Variants in CORO2B observed in about 807,000 individuals in gnomAD.
CORO2B encodes coronin-2B.
CORO2B carries 26 observed loss-of-function variants against 58.8 expected under a neutral mutation model. That is an observed-to-expected ratio of 0.44 (90% CI 0.32 to 0.61). The LOEUF (loss-of-function observed/expected upper bound fraction) is 0.61. Among genes scored for constraint, CORO2B ranks in the 20% least tolerant of loss-of-function variants. The pLI is 0.04. For missense variants in CORO2B, 460 were observed against 645.1 expected (o/e 0.71, Z 3.11); for synonymous variants, 242 against 253.8 (o/e 0.95, Z 0.44).
At chr15:68,531,564 G>A in the CORO2B span, among the ~76,000 whole-genome samples, 2 of 131,070 alleles carry the variant, frequency 1.5e-5, no homozygotes, top group Non-Finnish European at 3.3e-5. Context: ...AGGAAAGAAA[G>A]AGAAAGAAAG....
chr15:68,716,995 C>T (rs899087972), intron 8 of CORO2B, among the ~76,000 whole-genome samples: 16 of 152,062 alleles, frequency 1.1e-4, no homozygotes, highest in African/African-American at 2.7e-4. Flanking sequence ...TGATGGGATC[C>T]GAAATGTTAG....
At chr15:68,538,933 A>G in the CORO2B span, among the ~76,000 whole-genome samples, 1 of 152,206 alleles carries the variant, frequency 6.6e-6, no homozygotes, top group South Asian at 2.1e-4. Context: ...TAAAGTCCTG[A>G]GGTGTTGATG....
chr15:68,662,375 A>G (rs568683601), intron 2 of CORO2B, among the ~76,000 whole-genome samples: 47 of 152,394 alleles, frequency 3.1e-4, no homozygotes, highest in African/African-American at 1.1e-3. Flanking sequence ...TGAAAAGTGC[A>G]GGGTTTTCAT....
intron 1 of CORO2B, among the ~76,000 whole-genome samples, chr15:68,627,870 A>G (rs1185213854): frequency 6.6e-6 from 1 of 151,892 alleles, no homozygotes; most frequent in Non-Finnish European, 1.5e-5. Flanking sequence ...TCCCTGTATC[A>G]TAGCTAACAT....
the CORO2B span, among the ~76,000 whole-genome samples, chr15:68,571,181 C>T: frequency 1.1e-4 from 16 of 152,156 alleles, no homozygotes; most frequent in Non-Finnish European, 2.1e-4. Context: ...TGAGGAATTT[C>T]CCTGTAACCT....
At chr15:68,572,534 C>T in the CORO2B span, among the ~76,000 whole-genome samples, 1 of 152,208 alleles carries the variant, frequency 6.6e-6, no homozygotes, top group Non-Finnish European at 1.5e-5. Flanking sequence ...GCACTCACCA[C>T]ACCTTATCAT....
intron 1 of CORO2B, among the ~76,000 whole-genome samples, chr15:68,605,108 C>T (rs980515959): frequency 1.7e-4 from 26 of 150,272 alleles, no homozygotes; most frequent in Admixed American, 2.7e-4. Context: ...AGCGAGACTC[C>T]GTCTCAAGGA....
At chr15:68,607,486 G>C (rs763529429) in intron 1 of CORO2B, among the ~76,000 whole-genome samples, 4 of 152,136 alleles carry the variant, frequency 2.6e-5, no homozygotes, top group Non-Finnish European at 5.9e-5. Flanking sequence ...GATTCCACTG[G>C]AGAGGACATG....
At chr15:68,682,339 G>A (rs181795794) in intron 2 of CORO2B, among the ~76,000 whole-genome samples, 164 of 152,328 alleles carry the variant, frequency 1.1e-3, no homozygotes, top group Admixed American at 2.3e-3. Context: ...AGTGCCTCAG[G>A]AAGGCTATGG....
chr15:68,701,723 ATCTGCCCGC>A (rs1892656555), intron 3 of CORO2B, among the ~76,000 whole-genome samples: 1 of 151,878 alleles, frequency 6.6e-6, no homozygotes, highest in Non-Finnish European at 1.5e-5. Context: ...TGACCTCGTG[ATCTGCCCGC>A]CTCGGCCTCC....
the CORO2B span, among the ~76,000 whole-genome samples, chr15:68,533,029 CTTTT>C: frequency 6.6e-6 from 1 of 152,200 alleles, no homozygotes; most frequent in East Asian, 1.9e-4. Context: ...TCCTTTTGCA[CTTTT>C]TAGAACTCTT....
chr15:68,647,020 G>A (rs534220841), intron 2 of CORO2B, among the ~76,000 whole-genome samples: 11 of 152,136 alleles, frequency 7.2e-5, no homozygotes, highest in South Asian at 2.1e-4. Flanking sequence ...ACCTATCGCC[G>A]GCACCCTGCC....
At position 68,718,693 on chromosome 15, in the gene CORO2B, T is replaced by TA; in HGVS notation, c.968-4dup. ...CCCATGGAGCCACATGTGTGCCTGT[T>TA]ACAGGGGTCATGCCCAAGCACGGGC... On this transcript the variant is annotated splice_polypyrimidine_tract_variant and splice_region_variant and intron_variant, in intron 8 of 11. Transcript: ENST00000261861. 6.2e-7 allele frequency: 1 copy of TA among 1,613,238 alleles called. No individual in the cohort carries two copies. Among genetic ancestry groups the TA allele is most frequent in the Non-Finnish European group, 8.5e-7 (1 of 1,179,298 alleles).
chr15:68,599,701 G>T (rs544744238), intron 1 of CORO2B, among the ~76,000 whole-genome samples: 3 of 152,266 alleles, frequency 2.0e-5, no homozygotes, highest in African/African-American at 7.2e-5. Context: ...CCCAAGAGAG[G>T]CAGTGCCCTG....
the CORO2B span, among the ~76,000 whole-genome samples, chr15:68,557,722 C>A: frequency 6.6e-6 from 1 of 152,176 alleles, no homozygotes; most frequent in African/African-American, 2.4e-5. Context: ...AAGTAAATGC[C>A]CAAGGTCACA....
At position 68,645,056 on chromosome 15, in the gene CORO2B, C is replaced by A; in HGVS notation, c.16-104C>A. 8.3e-7 allele frequency: 1 copy of A among 1,202,336 alleles called. No individual in the cohort carries two copies. The highest frequency in any genetic ancestry group is 1.2e-6 in the Non-Finnish European group (1 of 854,156). 74.5% of individuals were successfully genotyped at this position (1,202,336 alleles called of 1,614,324 possible). A position where few individuals can be genotyped will look rare whatever the true frequency, so the allele number is the denominator to read the frequency against. On this transcript the variant is annotated intron_variant, in intron 1 of 11. Coordinates refer to ENST00000261861, the MANE Select transcript of CORO2B (RefSeq NM_006091.5). The surrounding 1 kb of genome is among the most constrained non-coding windows in gnomAD (Gnocchi z 4.5). ...TGACAGGGGACCCAGGGCCTGCTCACCTGCTGCACCTCTGAGCCGCAGCTT... is the reference window on the plus strand; with the variant it reads ...TGACAGGGGACCCAGGGCCTGCTCAACTGCTGCACCTCTGAGCCGCAGCTT...
At chr15:68,603,391 G>A (rs1170359835) in intron 1 of CORO2B, among the ~76,000 whole-genome samples, 4 of 152,162 alleles carry the variant, frequency 2.6e-5, no homozygotes, top group Non-Finnish European at 4.4e-5. Context: ...AATCATACTA[G>A]TGTGAGGCCT....
upstream of CORO2B, chr15:68,578,888 C>A: frequency 2.5e-6 from 1 of 401,306 alleles, no homozygotes; most frequent in Non-Finnish European, 3.4e-6. This position sits in a 1 kb window ranked among gnomAD's most constrained non-coding sequence, Gnocchi z 4.2. Flanking sequence ...CGCTGGCGGG[C>A]TGCGCTTCCT....
chr15:68,716,034 A>G (rs369888035), intron 8 of CORO2B, among the ~76,000 whole-genome samples: 18 of 152,166 alleles, frequency 1.2e-4, no homozygotes, highest in African/African-American at 4.3e-4. Context: ...TGGGTCTGGT[A>G]TTATGGACAG....
Sources: allele counts gnomAD v4.1 joint callset (sites outside exome capture counted in the v4.1 genomes callset), GRCh38; gene constraint gnomAD v4.1.1; non-coding constraint Gnocchi (gnomAD v3.1); transcripts MANE v1.5; gene names NCBI Gene and HGNC (gene_info 2026-07-23, HGNC 2026-07-21).